The following MGLL variants were observed in gnomAD, a reference collection of about 807,000 sequenced individuals.
The protein encoded by MGLL is monoglyceride lipase, also known as lysophospholipase homolog.
A neutral mutation model predicts 29.1 loss-of-function variants in MGLL; 7 were observed. That is an observed-to-expected ratio of 0.24 (90% CI 0.14 to 0.45). The LOEUF is 0.45. Ranked by LOEUF, MGLL falls within the 20% of genes least tolerant of loss-of-function variation. MGLL has a pLI of 0.99. For synonymous variants in MGLL, 148 were observed against 168.3 expected, an observed-to-expected ratio of 0.88 and a Z score of 0.93; for missense variants, 356 against 413.6, an observed-to-expected ratio of 0.86 and a Z score of 1.21.
At chr3:127,724,875 A>AT (rs34623730) in intron 3 of MGLL, among the ~76,000 whole-genome samples, 8,702 of 152,032 alleles carry the variant, frequency 0.057, 692 homozygotes, top group East Asian at 0.33. Flanking sequence ...AGTATCACTC[A>AT]TTTTTTTGAA....
At chr3:127,803,629 G>C (rs970313864) in intron 2 of MGLL, among the ~76,000 whole-genome samples, 12 of 152,210 alleles carry the variant, frequency 7.9e-5, no homozygotes, top group African/African-American at 2.9e-4. Context: ...ACAGAGGGTT[G>C]TTAAAAACCC....
intron 3 of MGLL, among the ~76,000 whole-genome samples, chr3:127,775,856 C>T (rs865786865): frequency 3.9e-5 from 6 of 152,312 alleles, no homozygotes; most frequent in Admixed American, 1.3e-4. Flanking sequence ...CTCGCAGCAG[C>T]GCCTCCTGGG....
chr3:127,711,688 G>T lies in MGLL; in HGVS notation c.511-1023C>A, dbSNP rs531897713. 2.0e-5 allele frequency: 3 copies of T among 151,936 alleles called. No individual in the cohort carries two copies. In the South Asian group the frequency reaches 6.3e-4, roughly 32 times the overall value. 9.4% of individuals were successfully genotyped at this position (151,936 alleles called of 1,614,324 possible). A position where few individuals can be genotyped will look rare whatever the true frequency, so the allele number is the denominator to read the frequency against. On this transcript the variant is annotated intron_variant, in intron 5 of 7. Transcript: ENST00000265052. ...GAGGGCAAGGGCACTCACAGGCACC[G>T]AGGAACCACCTTCTGGTGCATTGGG...
chr3:127,703,825 AG>A, intron 6 of MGLL, among the ~76,000 whole-genome samples: 1 of 152,370 alleles, frequency 6.6e-6, no homozygotes, highest in African/African-American at 2.4e-5. Context: ...TATCCACATA[AG>A]GGGTTAATAT....
intron 6 of MGLL, among the ~76,000 whole-genome samples, chr3:127,702,572 A>C (rs2075513407): frequency 6.6e-6 from 1 of 152,256 alleles, no homozygotes; most frequent in Non-Finnish European, 1.5e-5. Context: ...AAAGAGGATA[A>C]TCAAGGATCA....
intron 3 of MGLL, chr3:127,735,567 G>T: frequency 2.2e-6 from 2 of 895,912 alleles, no homozygotes; most frequent in Non-Finnish European, 3.4e-6. Flanking sequence ...TATTTTTAGA[G>T]ACTCATACTT....
intron 3 of MGLL, among the ~76,000 whole-genome samples, chr3:127,771,385 G>A (rs1483093241): frequency 1.3e-5 from 2 of 152,194 alleles, no homozygotes; most frequent in African/African-American, 2.4e-5. Context: ...GTCTCGCTCT[G>A]TCGCCCAGGT....
Position 127,822,514 on chromosome 3 carries a change from C to T in MGLL, c.-196G>A. 1 of 617,128 alleles carries T rather than the reference C, an allele frequency of 1.6e-6. No homozygotes were observed. Among genetic ancestry groups the T allele is most frequent in the East Asian group, 2.8e-5 (1 of 35,258 alleles). The allele number at this position is 617,128 out of a possible 1,614,324, so 38.2% of individuals were successfully genotyped here. On this transcript the variant is annotated 5_prime_UTR_variant, in exon 1 of 8. Coordinates refer to ENST00000265052, the MANE Select transcript of MGLL (RefSeq NM_007283.7). ...CTTCCAGCTCCCACCGGCAGGCTCT[C>T]CGGGGCTCCCCTCCCTCCCCAGGGC...
At chr3:127,701,287 G>A (rs1017416509) in intron 6 of MGLL, among the ~76,000 whole-genome samples, 3 of 150,298 alleles carry the variant, frequency 2.0e-5, no homozygotes, top group Non-Finnish European at 4.4e-5. Flanking sequence ...ATGTCCTGTG[G>A]AAGTTGGCCT....
At chr3:127,816,069 TG>T (rs1408189509) in intron 2 of MGLL, among the ~76,000 whole-genome samples, 1 of 151,706 alleles carries the variant, frequency 6.6e-6, no homozygotes, top group Non-Finnish European at 1.5e-5. Context: ...ACTGACAGAG[TG>T]GGGTTCAAAA....
At chr3:127,755,414 T>C (rs2076645318) in intron 3 of MGLL, among the ~76,000 whole-genome samples, 1 of 152,138 alleles carries the variant, frequency 6.6e-6, no homozygotes, top group Non-Finnish European at 1.5e-5. Flanking sequence ...TACCCAGCAA[T>C]CCATCGCTGT....
intron 3 of MGLL, among the ~76,000 whole-genome samples, chr3:127,777,814 A>G (rs1177143203): frequency 6.6e-6 from 1 of 152,230 alleles, no homozygotes; most frequent in Non-Finnish European, 1.5e-5. Context: ...AAATGGGGAA[A>G]ATAAGATTAA....
At chr3:127,760,723 AC>A (rs1443177591) in intron 3 of MGLL, among the ~76,000 whole-genome samples, 1 of 152,190 alleles carries the variant, frequency 6.6e-6, no homozygotes, top group East Asian at 1.9e-4. Flanking sequence ...GTCCAATGGA[AC>A]CTGCGGCTCT....
chr3:127,781,090 G>C (rs2077115659), intron 3 of MGLL, among the ~76,000 whole-genome samples: 1 of 152,112 alleles, frequency 6.6e-6, no homozygotes, highest in African/African-American at 2.4e-5. Flanking sequence ...GTGTGATTGT[G>C]TATGGATGGT....
chr3:127,748,304 C>A (rs560238529), intron 3 of MGLL, among the ~76,000 whole-genome samples: 1 of 151,876 alleles, frequency 6.6e-6, no homozygotes, highest in African/African-American at 2.4e-5. Flanking sequence ...GGTTACGCAT[C>A]GCAGTCTGTT....
intron 3 of MGLL, among the ~76,000 whole-genome samples, chr3:127,768,118 T>C (rs2076889031): frequency 6.6e-6 from 1 of 152,078 alleles, no homozygotes; most frequent in Non-Finnish European, 1.5e-5. Flanking sequence ...AAAAAGAAAA[T>C]TGGGATAGTC....
At chr3:127,797,112 C>G (rs554809732) in intron 2 of MGLL, among the ~76,000 whole-genome samples, 2 of 152,172 alleles carry the variant, frequency 1.3e-5, no homozygotes, top group South Asian at 4.2e-4. Context: ...TGTGCAGTCC[C>G]CAGGCACGAG....
At chr3:127,782,044 A>G (rs2077136949) in intron 2 of MGLL, 149 bp from the exon 3 acceptor site, 2 of 726,632 alleles carry the variant, frequency 2.8e-6, no homozygotes, top group African/African-American at 3.5e-5. Flanking sequence ...AACATAGTGA[A>G]ACCCCACCTC....
chr3:127,803,152 G>C (rs1367983110), intron 2 of MGLL, among the ~76,000 whole-genome samples: 1 of 152,132 alleles, frequency 6.6e-6, no homozygotes, highest in Non-Finnish European at 1.5e-5. Context: ...GTTTATTTTT[G>C]TATTTTTAGT....
Sources: allele counts gnomAD v4.1 joint callset (sites outside exome capture counted in the v4.1 genomes callset), GRCh38; gene constraint gnomAD v4.1.1; transcripts MANE v1.5; gene names NCBI Gene and HGNC (gene_info 2026-07-23, HGNC 2026-07-21).